The following PRSS23 variants were observed in gnomAD, a reference collection of about 807,000 sequenced individuals.
PRSS23 encodes protease, serine 23.
A neutral mutation model predicts 34.7 loss-of-function variants in PRSS23; 25 were observed. The observed-to-expected ratio is 0.72, with a 90% CI of 0.53 to 1.01. The LOEUF (loss-of-function observed/expected upper bound fraction) is 1.01, where lower values mean the gene tolerates loss of function less well. PRSS23 is among the 50% of genes least tolerant of loss of function. PRSS23 has a pLI of 0.00. For missense variants in PRSS23, 445 were observed against 475.6 expected, an observed-to-expected ratio of 0.94 and a Z score of 0.60; for synonymous variants, 176 against 186.6, an observed-to-expected ratio of 0.94 and a Z score of 0.46.
chr11:86,824,160 T>C (rs990375333), intron 2 of PRSS23, among the ~76,000 whole-genome samples: 4 of 151,222 alleles, frequency 2.6e-5, no homozygotes, highest in South Asian at 2.1e-4. Context: ...CTTCAAAAAT[T>C]AGCCGGGCAT....
rs1382922496 is a variant in PRSS23, at chr11:86,951,559, C to A, written c.*274C>A. The A allele has an allele frequency of 2.5e-6, 4 of 1,614,064 alleles. No homozygotes were observed. The highest frequency in any genetic ancestry group is 3.4e-6 in the Non-Finnish European group (4 of 1,179,964). On this transcript the variant is annotated 3_prime_UTR_variant, in exon 3 of 3. Transcript: ENST00000533902. ...CAGCAATGAACAAAGTTCCAATGACCAAATAAGTAAAGAGGGGAGCCACCA... is the reference window on the plus strand; with the variant it reads ...CAGCAATGAACAAAGTTCCAATGACAAAATAAGTAAAGAGGGGAGCCACCA...
chr11:86,861,243 C>T (rs889183791), intron 2 of PRSS23, among the ~76,000 whole-genome samples: 22 of 134,824 alleles, frequency 1.6e-4, no homozygotes, highest in African/African-American at 4.6e-4. Flanking sequence ...GAGAGGGGGG[C>T]GATATTACTC....
intron 2 of PRSS23, among the ~76,000 whole-genome samples, chr11:86,834,828 A>G (rs1223198392): frequency 3.3e-5 from 5 of 152,126 alleles, no homozygotes. Context: ...CTAGTGCCCG[A>G]GTAAGGGCTA....
chr11:86,830,879 C>G lies in PRSS23; in HGVS notation c.206+7286C>G, dbSNP rs143346495. Among the ~76,000 whole-genome samples the G allele has an allele frequency of 3.9e-3, 588 of 152,156 alleles. 7 individuals are homozygous for G. Among genetic ancestry groups the G allele is most frequent in the African/African-American group, 0.014 (567 of 41,488 alleles). ...CTCCTAATGTCATCAGGGGTGTACA[C>G]CCTGTGACATCATTTGAAATATTCT... On this transcript the variant is annotated intron_variant, in intron 2 of 2. Coordinates refer to the PRSS23 transcript ENST00000533902.
intron 1 of PRSS23, among the ~76,000 whole-genome samples, chr11:86,792,232 G>A (rs1947956186): frequency 6.6e-6 from 1 of 152,120 alleles, no homozygotes; most frequent in South Asian, 2.1e-4. Context: ...AGGTCAGGGT[G>A]CTTCTTTCCA....
intron 2 of PRSS23, among the ~76,000 whole-genome samples, chr11:86,862,249 ATAT>A (rs1948621154): frequency 6.6e-6 from 1 of 151,934 alleles, no homozygotes; most frequent in South Asian, 2.1e-4. Flanking sequence ...ACACCCTGTG[ATAT>A]TATTTGTAAT....
Position 86,810,449 on chromosome 11 carries a change from T to C in PRSS23, c.*1654T>C, listed in dbSNP as rs190130214. 7 of 167,216 alleles carry C rather than the reference T, an allele frequency of 4.2e-5. No individual in the cohort carries two copies. The highest frequency in any genetic ancestry group is 1.9e-4 in the East Asian group (1 of 5,190). The allele number at this position is 167,216 out of a possible 1,614,324, so 10.4% of individuals were successfully genotyped here. On this transcript the variant is annotated 3_prime_UTR_variant, in exon 2 of 2. Coordinates refer to ENST00000280258, the MANE Select transcript of PRSS23 (RefSeq NM_007173.6). ...TTTCTTCAAATCATATGAGAAATAC[T>C]ATGCATAGCAAGGAGATGCAGAGCC...
chr11:86,823,443 C>A (rs372598181), exon 2 of PRSS23: 2 of 702,276 alleles, frequency 2.8e-6, no homozygotes, highest in African/African-American at 3.5e-5. Flanking sequence ...GCCCCCACAA[C>A]TGTGAAGCGA....
chr11:86,928,179 ATATT>A (rs991824984), intron 2 of PRSS23, among the ~76,000 whole-genome samples: 23 of 147,968 alleles, frequency 1.6e-4, no homozygotes, highest in African/African-American at 5.6e-4. Flanking sequence ...ATGTTAATAT[ATATT>A]AAGCATATGT....
At chr11:86,797,672 T>C (rs1947990047), upstream of PRSS23, among the ~76,000 whole-genome samples, 1 of 152,190 alleles carries the variant, frequency 6.6e-6, no homozygotes, top group African/African-American at 2.4e-5. Flanking sequence ...AAATGAGCAA[T>C]GAATGTCAAA....
intron 2 of PRSS23, among the ~76,000 whole-genome samples, chr11:86,938,479 GAAC>G (rs149083458): frequency 0.069 from 10,535 of 152,176 alleles, 509 homozygotes; most frequent in Middle Eastern, 0.12. Flanking sequence ...CAGGAGCAGA[GAAC>G]ACTGAAACAG....
chr11:86,824,136 C>A (rs1343633405), intron 2 of PRSS23, among the ~76,000 whole-genome samples: 2 of 150,838 alleles, frequency 1.3e-5, no homozygotes, highest in Non-Finnish European at 3.0e-5. Context: ...AGTGAAATCC[C>A]GTCTGTACAA....
intron 2 of PRSS23, among the ~76,000 whole-genome samples, chr11:86,901,814 C>G (rs1948913567): frequency 6.6e-6 from 1 of 152,106 alleles, no homozygotes; most frequent in South Asian, 2.1e-4. Flanking sequence ...CCCAGCTGTT[C>G]CCATAACTAA....
intron 2 of PRSS23, among the ~76,000 whole-genome samples, chr11:86,874,836 C>T (rs1472023595): frequency 3.9e-5 from 6 of 152,074 alleles, no homozygotes; most frequent in East Asian, 1.9e-4. Context: ...TACAAGTGGC[C>T]GAAGGGCTGA....
At chr11:86,833,348 T>A in intron 2 of PRSS23, 1 of 922,726 alleles carries the variant, frequency 1.1e-6, no homozygotes, top group Non-Finnish European at 1.8e-6. Context: ...TCCAGCACCA[T>A]GACTAGGTAC....
At chr11:86,913,645 T>A (rs1027628559) in intron 2 of PRSS23, among the ~76,000 whole-genome samples, 1 of 151,690 alleles carries the variant, frequency 6.6e-6, no homozygotes, top group African/African-American at 2.4e-5. Flanking sequence ...AATGAAAGTT[T>A]GTATTTGCAA....
rs1948128869 is a variant in PRSS23 at position 86,808,168 on chromosome 11, C to G, written c.525C>G (p.His175Gln). 2 of 1,614,086 alleles carry G rather than the reference C, an allele frequency of 1.2e-6. No individual in the cohort carries two copies. The highest frequency in any genetic ancestry group is 1.7e-6 in the Non-Finnish European group (2 of 1,180,054). Residue 175 changes from histidine to glutamine, a missense_variant, in exon 2 of 2, where the codon CAC becomes CAG. His to Gln is a conservative substitution (Grantham distance 24). Coordinates refer to ENST00000280258, the MANE Select transcript of PRSS23 (RefSeq NM_007173.6). ...VAEKHVLTAA[H>Q]CIHDGKTYVK... ...AGAAGCATGTCCTCACAGCTGCCCACTGCATACACGATGGAAAAACCTATG... is the reference window on the plus strand; with the variant it reads ...AGAAGCATGTCCTCACAGCTGCCCAGTGCATACACGATGGAAAAACCTATG...
chr11:86,837,411 C>A (rs1387930114), intron 2 of PRSS23: 1 of 152,168 alleles, frequency 6.6e-6, no homozygotes, highest in Non-Finnish European at 1.5e-5. Flanking sequence ...AGTAGGTGGG[C>A]CTTGTTTTAA....
At chr11:86,877,609 C>T (rs780613480) in intron 2 of PRSS23, among the ~76,000 whole-genome samples, 2 of 152,086 alleles carry the variant, frequency 1.3e-5, no homozygotes, top group African/African-American at 2.4e-5. Context: ...TTCTTTGCCA[C>T]CACTGAATTG....
Sources: gnomAD v4.1 joint callset for allele counts (sites outside exome capture counted in the v4.1 genomes callset) on GRCh38, gnomAD v4.1.1 for gene constraint, MANE v1.5 for transcripts, NCBI Gene and HGNC (gene_info 2026-07-23, HGNC 2026-07-21) for gene names.